Variants in ST7 observed in about 807,000 individuals in gnomAD.
ST7 encodes suppression of tumorigenicity 7.
Under a neutral mutation model 78.7 loss-of-function variants are expected in ST7, and 28 were observed. The ratio of observed to expected loss-of-function variants is 0.36; its 90% CI spans 0.26 to 0.49. The LOEUF is 0.49. ST7 is among the 20% of genes least tolerant of loss of function. ST7 has a pLI of 0.99. For synonymous variants in ST7, 247 were observed against 249.6 expected (o/e 0.99, Z 0.10); for missense variants, 418 against 696.0 (o/e 0.60, Z 4.49).
At chr7:117,226,582 C>A (rs1432414880) in intron 15 of ST7, among the ~76,000 whole-genome samples, 1 of 152,202 alleles carries the variant, frequency 6.6e-6, no homozygotes, top group Non-Finnish European at 1.5e-5. Flanking sequence ...GCATCCCAAG[C>A]AAGTCTGCAC....
At chr7:117,129,300 C>T (rs973121313) in intron 3 of ST7, among the ~76,000 whole-genome samples, 18 of 151,782 alleles carry the variant, frequency 1.2e-4, no homozygotes, top group Non-Finnish European at 1.5e-5. Context: ...AAGGCAAAAG[C>T]AAACTGGTAA....
intron 2 of ST7, among the ~76,000 whole-genome samples, chr7:117,104,039 G>A (rs1308033065): frequency 6.6e-6 from 1 of 152,158 alleles, no homozygotes; most frequent in Non-Finnish European, 1.5e-5. Flanking sequence ...ACCACAACGA[G>A]CTATCATCTC....
At chr7:117,108,343 G>C (rs1051179954) in intron 2 of ST7, among the ~76,000 whole-genome samples, 10 of 152,096 alleles carry the variant, frequency 6.6e-5, no homozygotes, top group Non-Finnish European at 1.0e-4. Context: ...TTGTTGAATA[G>C]GGTGTCTTTT....
At chr7:117,131,835 C>A in intron 5 of ST7, 50 bp from the exon 6 acceptor site, 1 of 1,494,054 alleles carries the variant, frequency 6.7e-7, no homozygotes, top group South Asian at 1.1e-5. Context: ...ACTGAGTCTA[C>A]CTAATTATAT....
At chr7:117,144,709 G>A (rs1290310369) in intron 9 of ST7, among the ~76,000 whole-genome samples, 1 of 151,564 alleles carries the variant, frequency 6.6e-6, no homozygotes, top group East Asian at 1.9e-4. Context: ...TGCCTTGAGA[G>A]TCACTTGTAT....
intron 1 of ST7, among the ~76,000 whole-genome samples, chr7:116,964,342 T>G (rs1792992533): frequency 6.6e-6 from 1 of 152,250 alleles, no homozygotes; most frequent in Non-Finnish European, 1.5e-5. Flanking sequence ...TTGGGTTTTT[T>G]CATTTATTTG....
At chr7:117,222,490 T>A (rs1793164003) in intron 15 of ST7, among the ~76,000 whole-genome samples, 1 of 152,220 alleles carries the variant, frequency 6.6e-6, no homozygotes, top group African/African-American at 2.4e-5. Flanking sequence ...TTTTAATGGC[T>A]GCAAACCCTT....
chr7:117,170,295 G>A (rs939850943), intron 9 of ST7, among the ~76,000 whole-genome samples: 1 of 152,034 alleles, frequency 6.6e-6, no homozygotes, highest in Non-Finnish European at 1.5e-5. Context: ...AAAATAAGAA[G>A]CATTTAATGA....
At chr7:116,967,116 CTCTTT>C (rs1562982234) in intron 1 of ST7, among the ~76,000 whole-genome samples, 1 of 121,354 alleles carries the variant, frequency 8.2e-6, no homozygotes, top group Non-Finnish European at 1.8e-5. Flanking sequence ...GTTTCTATCA[CTCTTT>C]TTTTTTTTTT....
chr7:117,200,275 G>C (rs947819609), intron 12 of ST7, among the ~76,000 whole-genome samples: 1 of 152,052 alleles, frequency 6.6e-6, no homozygotes, highest in Admixed American at 6.6e-5. Context: ...CAACCCCAAG[G>C]CCCCCTCTGC....
intron 1 of ST7, among the ~76,000 whole-genome samples, chr7:117,081,584 A>G (rs897017821): frequency 1.1e-4 from 17 of 152,186 alleles, no homozygotes; most frequent in South Asian, 2.1e-4. Flanking sequence ...TATGACTTCA[A>G]TGACACCTGA....
rs368989381 is a variant in ST7, at chr7:117,130,800, C to A, written c.565+194C>A. The A allele has an allele frequency of 1.1e-4, 48 of 447,676 alleles. 1 individual carries two copies. The highest frequency in any genetic ancestry group is 3.1e-4 in the African/African-American group (15 of 48,628). The allele number at this position is 447,676 out of a possible 1,614,324, so 27.7% of individuals were successfully genotyped here. On this transcript the variant is annotated intron_variant, in intron 5 of 15. Coordinates refer to ENST00000323984, the MANE Select transcript of ST7 (RefSeq NM_001369598.1). The stretch of plus-strand genomic sequence containing the variant: ...ATGAAGTATTTATGTTGAAATGAGT[C>A]CCCTCATAATAATTTGAATCATGAT...
intron 1 of ST7, chr7:116,966,110 C>T (rs771731778): frequency 4.3e-6 from 2 of 464,766 alleles, no homozygotes; most frequent in South Asian, 3.1e-5. Flanking sequence ...ATGTTTTCTT[C>T]TGTCTGTAAC....
At chr7:117,123,989 A>G (rs962748685) in intron 3 of ST7, among the ~76,000 whole-genome samples, 3 of 152,130 alleles carry the variant, frequency 2.0e-5, no homozygotes, top group Non-Finnish European at 4.4e-5. Context: ...CTTCATAAGT[A>G]TATATGTATA....
chr7:117,059,362 A>G (rs904412740), intron 1 of ST7, among the ~76,000 whole-genome samples: 2 of 152,214 alleles, frequency 1.3e-5, no homozygotes, highest in African/African-American at 4.8e-5. Flanking sequence ...AATAGTAGAT[A>G]TAATTTCTGC....
At chr7:116,997,546 A>G (rs1196981673) in intron 1 of ST7, among the ~76,000 whole-genome samples, 2 of 152,144 alleles carry the variant, frequency 1.3e-5, no homozygotes, top group Admixed American at 6.5e-5. Context: ...TGGTGTGTTT[A>G]CAAACCTTGA....
intron 1 of ST7, among the ~76,000 whole-genome samples, chr7:116,988,449 G>A (rs940712341): frequency 6.6e-6 from 1 of 152,146 alleles, no homozygotes; most frequent in Non-Finnish European, 1.5e-5. Context: ...AGTTTTTACT[G>A]TATTTTTCAG....
intron 1 of ST7, among the ~76,000 whole-genome samples, chr7:117,013,108 C>G (rs1378683111): frequency 6.6e-6 from 1 of 152,200 alleles, no homozygotes; most frequent in Admixed American, 6.5e-5. Flanking sequence ...TCCATGCTAA[C>G]TACTAAATTG....
At chr7:117,147,388 A>G (rs1365062655) in intron 9 of ST7, among the ~76,000 whole-genome samples, 3 of 152,172 alleles carry the variant, frequency 2.0e-5, no homozygotes, top group Admixed American at 1.3e-4. Context: ...ATGGCTGCCT[A>G]TGATTAAATT....
Sources: allele counts gnomAD v4.1 joint callset (sites outside exome capture counted in the v4.1 genomes callset), GRCh38; gene constraint gnomAD v4.1.1; transcripts MANE v1.5; gene names NCBI Gene and HGNC (gene_info 2026-07-23, HGNC 2026-07-21).